Variants in LIFR observed in about 807,000 individuals in gnomAD.
LIFR encodes leukemia inhibitory factor receptor.
In LIFR, 84 loss-of-function variants were observed where a neutral mutation model predicts 122.2. That is an observed-to-expected ratio of 0.69 (90% CI 0.58 to 0.82). The LOEUF (loss-of-function observed/expected upper bound fraction) is 0.82. LIFR is among the 40% of genes least tolerant of loss of function. The pLI, the probability that LIFR is intolerant of heterozygous loss-of-function variation, is 0.00. For missense variants in LIFR, 1,294 were observed against 1,311.6 expected (o/e 0.99, Z 0.21); for synonymous variants, 422 against 434.7 (o/e 0.97, Z 0.36).
At chr5:38,515,181 G>C (rs1746006630) in intron 5 of LIFR, among the ~76,000 whole-genome samples, 1 of 152,100 alleles carries the variant, frequency 6.6e-6, no homozygotes, top group South Asian at 2.1e-4. Context: ...TTCAAACCTA[G>C]AACTGCTTGG....
chr5:38,575,780 A>G (rs1749366359), intron 1 of LIFR, among the ~76,000 whole-genome samples: 3 of 152,058 alleles, frequency 2.0e-5, no homozygotes, highest in South Asian at 2.1e-4. Flanking sequence ...CCCCCCACCT[A>G]TAGGCTCATC....
chr5:38,587,184 AC>A (rs1379254476), intron 1 of LIFR, among the ~76,000 whole-genome samples: 1 of 152,070 alleles, frequency 6.6e-6, no homozygotes, highest in Non-Finnish European at 1.5e-5. Context: ...CCAGCCCTCT[AC>A]AAACACACAA....
At chr5:38,502,553 C>T (rs1318061584) in intron 11 of LIFR, 84 bp downstream of exon 11, 27 of 1,215,752 alleles carry the variant, frequency 2.2e-5, no homozygotes, top group Non-Finnish European at 3.0e-5. Flanking sequence ...CCCACTGCAC[C>T]CGGCCAACAT....
rs189656362 is a variant in LIFR, at chr5:38,521,684, G to A, written c.561+1735C>T. ...CCTGGCCAGCAGGTGTGGTGTGGGT[G>A]ATGGCAGTAGCAGTGGTAGGATAAC... is the stretch of plus-strand genomic sequence containing the variant. On this transcript the variant is annotated intron_variant, in intron 5 of 19. Transcript: ENST00000453190. Among the ~76,000 whole-genome samples, 7 of 152,282 alleles carry A rather than the reference G, an allele frequency of 4.6e-5. No homozygotes were observed. The East Asian group carries it at 1.4e-3, about 29-fold the overall frequency.
At chr5:38,539,220 A>G (rs1488160347) in intron 1 of LIFR, among the ~76,000 whole-genome samples, 2 of 152,084 alleles carry the variant, frequency 1.3e-5, no homozygotes, top group Non-Finnish European at 2.9e-5. Context: ...AAGTGCTGGG[A>G]TTACAGGTGT....
In LIFR at chr5:38,497,331, T is replaced by TA. The variant is rs771944255; in HGVS notation, c.1672-737_1672-736insT. ...ATCTCTCAACAGTGTAAAACACAGA[T>TA]TTAAAATCCACTGGGAGCAGGGTAA... On this transcript the variant is annotated intron_variant, in intron 12 of 19. Transcript: ENST00000453190. Among the ~76,000 whole-genome samples the TA allele has an allele frequency of 2.0e-4, 31 of 152,284 alleles. 1 individual carries two copies. Among genetic ancestry groups the TA allele is most frequent in the South Asian group, 6.2e-4 (3 of 4,826 alleles).
intron 2 of LIFR, among the ~76,000 whole-genome samples, chr5:38,603,080 C>T (rs112673121): frequency 6.6e-6 from 1 of 152,168 alleles, no homozygotes; most frequent in Non-Finnish European, 1.5e-5. Flanking sequence ...GAAAGAATCA[C>T]CCTAAGGGAA....
chr5:38,555,543 T>C (rs889480296), intron 1 of LIFR, among the ~76,000 whole-genome samples: 3 of 152,214 alleles, frequency 2.0e-5, no homozygotes, highest in Non-Finnish European at 4.4e-5. Flanking sequence ...TGAAAGAATG[T>C]ATCTTTTAAA....
At chr5:38,491,894 C>G (rs1744612590) in intron 14 of LIFR, among the ~76,000 whole-genome samples, 2 of 152,140 alleles carry the variant, frequency 1.3e-5, no homozygotes, top group Admixed American at 1.3e-4. Flanking sequence ...GCATGTACAT[C>G]TGTAAATCTG....
At position 38,481,722 on chromosome 5, in the gene LIFR, G is replaced by C. The variant is rs201226332; in HGVS notation, c.3167C>G (p.Ser1056Ter). 6.2e-7 allele frequency: 1 copy of C among 1,614,138 alleles called. No homozygotes were observed. Among genetic ancestry groups the C allele is most frequent in the East Asian group, 2.2e-5 (1 of 44,880 alleles). ...ATTAATGGAGCATGGACTTCCAAAT[G>C]AGACAATCTCACTGTTGCTGTCTAT... ...RSIDSNSEIV[S>*]FGSPCSINSR... Residue 1056 changes from serine (S) to a stop codon, truncating the protein, a stop_gained, in exon 20 of 20, where the codon TCA (serine) becomes TGA (stop). Coordinates refer to ENST00000453190, the MANE Select transcript of LIFR (RefSeq NM_001127671.2). LOFTEE classifies it high-confidence loss of function.
Position 38,533,680 on chromosome 5 carries a change from C to T in LIFR, c.-19-3014G>A, listed in dbSNP as rs1747141312. On this transcript the variant is annotated intron_variant, in intron 1 of 19. Coordinates refer to ENST00000453190, the MANE Select transcript of LIFR (RefSeq NM_001127671.2). ...TGTCTCTGTTCCCCTGTCCCCCAAC[C>T]CCTCTCTATATACATAAATATGGTG... Among the ~76,000 whole-genome samples, 3 of 152,306 alleles carry T rather than the reference C, an allele frequency of 2.0e-5. No individual in the cohort carries two copies. In the South Asian group the frequency reaches 6.2e-4, roughly 32 times the overall value.
chr5:38,502,848 A>C, intron 10 of LIFR, 49 bp from the exon 11 acceptor site: 3 of 1,053,844 alleles, frequency 2.8e-6, no homozygotes, highest in African/African-American at 1.6e-5. Context: ...TATGTGTATG[A>C]ATACATATAT....
chr5:38,546,255 C>T (rs1747888242), intron 1 of LIFR, among the ~76,000 whole-genome samples: 2 of 152,006 alleles, frequency 1.3e-5, no homozygotes, highest in Admixed American at 1.3e-4. Flanking sequence ...CATATATACG[C>T]CATTACATGA....
At chr5:38,580,470 TG>T (rs1749545680) in intron 1 of LIFR, among the ~76,000 whole-genome samples, 1 of 152,158 alleles carries the variant, frequency 6.6e-6, no homozygotes, top group South Asian at 2.1e-4. Flanking sequence ...CCTTAAATCA[TG>T]GGGTTCCTCC....
chr5:38,528,592 T>C, intron 3 of LIFR, 134 bp downstream of exon 3: 1 of 706,178 alleles, frequency 1.4e-6, no homozygotes, highest in East Asian at 2.7e-5. Context: ...GAGGCAGAGG[T>C]CACGGCAGAC....
At chr5:38,484,653 C>G in intron 18 of LIFR, 122 bp downstream of exon 18, 1 of 699,296 alleles carries the variant, frequency 1.4e-6, no homozygotes, top group South Asian at 1.6e-5. Context: ...CTAATTAAAA[C>G]ATTTTTTAAC....
rs956152384 is a variant in LIFR, at chr5:38,477,618, T to C, written c.*3977A>G. On this transcript the variant is annotated 3_prime_UTR_variant, in exon 20 of 20. Coordinates refer to ENST00000453190, the MANE Select transcript of LIFR (RefSeq NM_001127671.2). ...ATATCTAGTGATATACAGGCATGAG[T>C]CCTTCCTCAGTTTTCACTCAAACCG... 16 of 212,688 alleles carry C rather than the reference T, an allele frequency of 7.5e-5. No individual in the cohort carries two copies. Among genetic ancestry groups the C allele is most frequent in the African/African-American group, 3.6e-4 (16 of 44,194 alleles). The allele number at this position is 212,688 out of a possible 1,614,324, so 13.2% of individuals were successfully genotyped here.
chr5:38,532,970 T>C (rs2112579708), intron 1 of LIFR, among the ~76,000 whole-genome samples: 1 of 152,268 alleles, frequency 6.6e-6, no homozygotes, highest in Non-Finnish European at 1.5e-5. Flanking sequence ...CAAATGCAAA[T>C]ATGCAGGGGC....
At position 38,480,777 on chromosome 5, in the gene LIFR, A is replaced by G. The variant is rs1164457916; in HGVS notation, c.*818T>C. 4.7e-6 allele frequency: 1 copy of G among 213,152 alleles called. No homozygotes were observed. The highest frequency in any genetic ancestry group is 9.5e-6 in the Non-Finnish European group (1 of 105,530). 13.2% of individuals were successfully genotyped at this position (213,152 alleles called of 1,614,324 possible). A position where few individuals can be genotyped will look rare whatever the true frequency, so the allele number is the denominator to read the frequency against. On this transcript the variant is annotated 3_prime_UTR_variant, in exon 20 of 20. Transcript: ENST00000453190. ...TGTCACTGTATCACAAAATAAAATG[A>G]TTTTTAAAAAATGTGGGTCTCTAGT...
Sources: gnomAD v4.1 joint callset for allele counts (sites outside exome capture counted in the v4.1 genomes callset) on GRCh38, gnomAD v4.1.1 for gene constraint, MANE v1.5 for transcripts, NCBI Gene and HGNC (gene_info 2026-07-23, HGNC 2026-07-21) for gene names.